Variants in ZBTB20 observed in about 807,000 individuals in gnomAD.
ZBTB20 encodes the protein zinc finger and BTB domain containing 20, also known as zinc finger and BTB domain-containing protein 20.
A neutral mutation model predicts 56.9 loss-of-function variants in ZBTB20; 9 were observed. The observed-to-expected ratio is 0.16, with a 90% CI of 0.10 to 0.28. The LOEUF (loss-of-function observed/expected upper bound fraction) is 0.28, where lower values mean the gene tolerates loss of function less well. ZBTB20 is among the 10% of genes least tolerant of loss of function. ZBTB20 has a pLI of 1.00. For synonymous variants in ZBTB20, 417 were observed against 420.7 expected, an observed-to-expected ratio of 0.99 and a Z score of 0.11; for missense variants, 655 against 1,003.0, an observed-to-expected ratio of 0.65 and a Z score of 4.69.
At chr3:114,596,849 C>T (rs2056354571) in intron 6 of ZBTB20, among the ~76,000 whole-genome samples, 1 of 152,188 alleles carries the variant, frequency 6.6e-6, no homozygotes, top group African/African-American at 2.4e-5. Context: ...TAACTCCTTA[C>T]ACAGGATGTG....
At chr3:115,003,888 T>G (rs988627235) in intron 2 of ZBTB20, among the ~76,000 whole-genome samples, 1 of 151,668 alleles carries the variant, frequency 6.6e-6, no homozygotes, top group African/African-American at 2.4e-5. Context: ...ATATGGATTT[T>G]TAAAAACTCC....
intron 6 of ZBTB20, among the ~76,000 whole-genome samples, chr3:114,657,311 T>C (rs1439724744): frequency 6.6e-6 from 1 of 152,242 alleles, no homozygotes; most frequent in African/African-American, 2.4e-5. Flanking sequence ...CTATCATCTA[T>C]ATTTCTAAGG....
chr3:114,533,338 G>T (rs1179989363), intron 6 of ZBTB20, among the ~76,000 whole-genome samples: 2 of 151,894 alleles, frequency 1.3e-5, no homozygotes, highest in African/African-American at 4.8e-5. Context: ...AGAAGTTCAT[G>T]AAGCATACGC....
Position 114,320,389 on chromosome 3 carries a change from A to G in ZBTB20, c.*18616T>C, listed in dbSNP as rs2078851853. On this transcript the variant is annotated 3_prime_UTR_variant, in exon 12 of 12. Coordinates refer to ENST00000675478, the MANE Select transcript of ZBTB20 (RefSeq NM_001348800.3). ...TAAAGGAAATGACTAACAAAAGTAC[A>G]ATACAATAGAATCAGGCATTGCCAA... 6.6e-6 allele frequency: 1 copy of G among 152,226 alleles called. No individual in the cohort carries two copies. 9.4% of individuals were successfully genotyped at this position (152,226 alleles called of 1,614,324 possible).
At chr3:115,021,118 T>C (rs2080186296) in intron 2 of ZBTB20, among the ~76,000 whole-genome samples, 1 of 151,016 alleles carries the variant, frequency 6.6e-6, no homozygotes, top group Non-Finnish European at 1.5e-5. Context: ...ATTTTATGTA[T>C]TACTTGAGTC....
At chr3:115,007,600 A>C (rs2079530384) in intron 2 of ZBTB20, among the ~76,000 whole-genome samples, 1 of 151,822 alleles carries the variant, frequency 6.6e-6, no homozygotes, top group South Asian at 2.1e-4. Flanking sequence ...TCAAATATAC[A>C]TAAAAATAAG....
At chr3:114,937,091 T>A (rs751725844) in intron 3 of ZBTB20, among the ~76,000 whole-genome samples, 2 of 152,202 alleles carry the variant, frequency 1.3e-5, no homozygotes, top group Non-Finnish European at 2.9e-5. Flanking sequence ...TGTGCATGTG[T>A]CTTTATAGCA....
At chr3:114,349,585 T>G (rs905605537) in intron 11 of ZBTB20, among the ~76,000 whole-genome samples, 1 of 152,224 alleles carries the variant, frequency 6.6e-6, no homozygotes, top group Non-Finnish European at 1.5e-5. Context: ...GATCTGATTG[T>G]TAACAAAATT....
chr3:114,737,246 G>C (rs1013794190), intron 5 of ZBTB20, among the ~76,000 whole-genome samples: 1 of 152,104 alleles, frequency 6.6e-6, no homozygotes, highest in Non-Finnish European at 1.5e-5. Context: ...TTAATGTAGA[G>C]AAACATTTTT....
chr3:114,700,779 AG>A (rs778006783), intron 5 of ZBTB20, among the ~76,000 whole-genome samples: 42 of 152,178 alleles, frequency 2.8e-4, no homozygotes, highest in Non-Finnish European at 5.4e-4. Context: ...ATGAGAAAGT[AG>A]TCTCTGGATA....
At chr3:114,606,363 G>A (rs1036907965) in intron 6 of ZBTB20, among the ~76,000 whole-genome samples, 8 of 152,014 alleles carry the variant, frequency 5.3e-5, no homozygotes, top group African/African-American at 1.9e-4. Flanking sequence ...CTGACTTACC[G>A]TTCTTTTAAT....
intron 10 of ZBTB20, among the ~76,000 whole-genome samples, chr3:114,379,814 G>A (rs1401886482): frequency 6.6e-6 from 1 of 152,170 alleles, no homozygotes; most frequent in East Asian, 1.9e-4. Context: ...TCTGACTTGT[G>A]TTATGTAATT....
At chr3:114,640,552 C>T (rs2059504272) in intron 6 of ZBTB20, among the ~76,000 whole-genome samples, 1 of 152,054 alleles carries the variant, frequency 6.6e-6, no homozygotes. Flanking sequence ...TCTCAGTCTA[C>T]TCAGGAGAGT....
intron 3 of ZBTB20, among the ~76,000 whole-genome samples, chr3:114,935,502 T>C (rs1031701074): frequency 3.0e-4 from 46 of 152,368 alleles, no homozygotes; most frequent in Non-Finnish European, 4.9e-4. Context: ...GATTTTCTTT[T>C]TTAAAAAAAA....
chr3:114,929,399 G>A (rs1376360138), intron 3 of ZBTB20, among the ~76,000 whole-genome samples: 1 of 152,216 alleles, frequency 6.6e-6, no homozygotes, highest in East Asian at 1.9e-4. Flanking sequence ...GCAACTGGGG[G>A]AGGTGAGAAA....
At chr3:115,015,276 C>T (rs1173400558) in intron 2 of ZBTB20, among the ~76,000 whole-genome samples, 2 of 151,762 alleles carry the variant, frequency 1.3e-5, no homozygotes, top group Admixed American at 6.6e-5. Flanking sequence ...CTATAAGATA[C>T]ATAAATAAAG....
At chr3:114,789,958 A>G (rs1337612321) in intron 5 of ZBTB20, among the ~76,000 whole-genome samples, 1 of 152,084 alleles carries the variant, frequency 6.6e-6, no homozygotes, top group Non-Finnish European at 1.5e-5. Context: ...CATCTAAGTA[A>G]ACATTTATCT....
At chr3:114,462,925 C>A (rs967693859) in intron 7 of ZBTB20, among the ~76,000 whole-genome samples, 1 of 152,306 alleles carries the variant, frequency 6.6e-6, no homozygotes, top group African/African-American at 2.4e-5. Flanking sequence ...ACTCGTCCTT[C>A]CTCTGAAGAC....
At chr3:114,692,312 G>C (rs571641671) in intron 6 of ZBTB20, among the ~76,000 whole-genome samples, 1 of 151,998 alleles carries the variant, frequency 6.6e-6, no homozygotes. Flanking sequence ...CTACAATCCC[G>C]AAGGCTCCTG....
Sources: allele counts gnomAD v4.1 joint callset (sites outside exome capture counted in the v4.1 genomes callset), GRCh38; gene constraint gnomAD v4.1.1; transcripts MANE v1.5; gene names NCBI Gene and HGNC (gene_info 2026-07-23, HGNC 2026-07-21).